HCN1: variants seen among roughly 807,000 people sequenced by gnomAD.
The protein encoded by HCN1 is potassium/sodium hyperpolarization-activated cyclic nucleotide-gated channel 1.
In HCN1, 13 loss-of-function variants were observed where a neutral mutation model predicts 78.9. That is an observed-to-expected ratio of 0.16 (90% CI 0.11 to 0.26). The LOEUF (loss-of-function observed/expected upper bound fraction) is 0.26. Ranked by LOEUF, HCN1 falls within the 10% of genes least tolerant of loss-of-function variation. HCN1 has a pLI of 1.00. For synonymous variants in HCN1, 552 were observed against 455.5 expected (o/e 1.21, Z -2.70); for missense variants, 810 against 1,154.3 (o/e 0.70, Z 4.32).
intron 4 of HCN1, among the ~76,000 whole-genome samples, chr5:45,384,861 G>A (rs1747882021): frequency 6.6e-6 from 1 of 152,110 alleles, no homozygotes; most frequent in Admixed American, 6.6e-5. Flanking sequence ...TATAAATGTG[G>A]AATCTAATTT....
Position 45,527,343 on chromosome 5 carries a change from C to T in HCN1, c.850-65336G>A, listed in dbSNP as rs1742756671. On this transcript the variant is annotated intron_variant, in intron 2 of 7. Transcript: ENST00000303230. The stretch of plus-strand genomic sequence containing the variant: ...TGGCCAGTAATGGTGGAGATAGGAT[C>T]TAAACAGAAGCTTATACCATGTTAT... Among the ~76,000 whole-genome samples, 2 of 88,136 alleles carry T rather than the reference C, an allele frequency of 2.3e-5. 1 individual carries two copies. 57.8% of individuals were successfully genotyped at this position (88,136 alleles called of 152,430 possible). A position where few individuals can be genotyped will look rare whatever the true frequency, so the allele number is the denominator to read the frequency against.
intron 2 of HCN1, among the ~76,000 whole-genome samples, chr5:45,502,875 T>C (rs933318940): frequency 6.6e-6 from 1 of 152,184 alleles, no homozygotes; most frequent in East Asian, 1.9e-4. Context: ...TGAGGAAAAC[T>C]TCGCATTTTT....
At chr5:45,438,602 AC>A (rs199596089) in intron 3 of HCN1, among the ~76,000 whole-genome samples, 1 of 151,704 alleles carries the variant, frequency 6.6e-6, no homozygotes, top group South Asian at 2.1e-4. Flanking sequence ...AAAAAAAAAA[AC>A]AAAACAAACA....
intron 6 of HCN1, among the ~76,000 whole-genome samples, chr5:45,277,096 T>A (rs577321827): frequency 3.3e-5 from 5 of 152,226 alleles, no homozygotes; most frequent in Admixed American, 3.3e-4. Flanking sequence ...AAAAACTTCG[T>A]GTGCAAAATA....
chr5:45,529,339 G>A (rs1009980707), intron 2 of HCN1, among the ~76,000 whole-genome samples: 12 of 151,454 alleles, frequency 7.9e-5, no homozygotes, highest in South Asian at 2.1e-4. Flanking sequence ...AAATAATGAC[G>A]GCAAATCAGA....
At chr5:45,615,908 C>A (rs1347567031) in intron 2 of HCN1, among the ~76,000 whole-genome samples, 1 of 151,558 alleles carries the variant, frequency 6.6e-6, no homozygotes, top group Non-Finnish European at 1.5e-5. Flanking sequence ...ACTCAAAACA[C>A]CAAAATTATT....
intron 2 of HCN1, among the ~76,000 whole-genome samples, chr5:45,483,157 T>A (rs917901443): frequency 3.9e-5 from 6 of 152,230 alleles, no homozygotes; most frequent in Admixed American, 2.0e-4. Flanking sequence ...ATGGTAGCTC[T>A]GTTTTAAGGT....
At chr5:45,461,225 A>G (rs1355433499) in intron 3 of HCN1, among the ~76,000 whole-genome samples, 1 of 152,058 alleles carries the variant, frequency 6.6e-6, no homozygotes, top group Non-Finnish European at 1.5e-5. Context: ...AGATCAAAAC[A>G]TATCTTCTTA....
intron 2 of HCN1, among the ~76,000 whole-genome samples, chr5:45,634,237 T>C (rs1745320407): frequency 6.6e-6 from 1 of 151,872 alleles, no homozygotes; most frequent in South Asian, 2.1e-4. Flanking sequence ...CATACACCTA[T>C]CCTTTCTGTA....
At chr5:45,409,858 TA>T (rs1739992747) in intron 3 of HCN1, among the ~76,000 whole-genome samples, 1 of 151,568 alleles carries the variant, frequency 6.6e-6, no homozygotes, top group Non-Finnish European at 1.5e-5. Context: ...AACAAATAAT[TA>T]AATATATTCA....
In HCN1 at chr5:45,604,205, A is replaced by G. The variant is rs1744681041; in HGVS notation, c.849+40980T>C. 2.0e-5 allele frequency among the ~76,000 whole-genome samples: 3 copies of G among 152,250 alleles called. No individual in the cohort carries two copies. The South Asian group carries it at 6.2e-4, about 32-fold the overall frequency. On this transcript the variant is annotated intron_variant, in intron 2 of 7. Transcript: ENST00000303230. ...CAGACCAAACACTTCCTTGATCTTT[A>G]CAACAACTCTGTGAGATAGATAAGA...
chr5:45,685,381 A>G (rs979275865), intron 1 of HCN1, among the ~76,000 whole-genome samples: 3 of 152,186 alleles, frequency 2.0e-5, no homozygotes, highest in Non-Finnish European at 4.4e-5. Context: ...TACCAACTAA[A>G]GAGATTAAAC....
Position 45,258,052 on chromosome 5 carries a change from A to C in HCN1, c.*3869T>G, listed in dbSNP as rs1744655481. ...TGGGTTTTATGGCACATGTTCTAAA[A>C]AGATAAAGATATAATGGAGAGATAT... is the stretch of plus-strand genomic sequence containing the variant. On this transcript the variant is annotated 3_prime_UTR_variant, in exon 8 of 8. Transcript: ENST00000303230. 6.6e-6 allele frequency: 1 copy of C among 152,174 alleles called. No homozygotes were observed. The highest frequency in any genetic ancestry group is 2.4e-5 in the African/African-American group (1 of 41,410). The allele number at this position is 152,174 out of a possible 1,614,324, so 9.4% of individuals were successfully genotyped here. A position where few individuals can be genotyped will look rare whatever the true frequency, so the allele number is the denominator to read the frequency against.
intron 3 of HCN1, among the ~76,000 whole-genome samples, chr5:45,451,719 T>C (rs1466137886): frequency 6.6e-6 from 1 of 151,874 alleles, no homozygotes. Flanking sequence ...ACAACATCAA[T>C]TAAAAAAATC....
At chr5:45,319,733 G>A (rs1297415096) in intron 5 of HCN1, among the ~76,000 whole-genome samples, 1 of 151,292 alleles carries the variant, frequency 6.6e-6, no homozygotes, top group African/African-American at 2.4e-5. Context: ...GAAAAAAAAT[G>A]AGTTTGATAT....
intron 2 of HCN1, among the ~76,000 whole-genome samples, chr5:45,519,926 CAT>C (rs1230687528): frequency 6.6e-6 from 1 of 151,790 alleles, no homozygotes; most frequent in East Asian, 1.9e-4. Flanking sequence ...TCTATAAAAA[CAT>C]GTGTTTACCC....
At chr5:45,267,557 C>T (rs1744884589) in intron 6 of HCN1, among the ~76,000 whole-genome samples, 1 of 151,584 alleles carries the variant, frequency 6.6e-6, no homozygotes, top group African/African-American at 2.4e-5. Context: ...ATCACGAGGT[C>T]AAGAGATCGA....
intron 2 of HCN1, among the ~76,000 whole-genome samples, chr5:45,605,617 G>C (rs1414374139): frequency 6.6e-6 from 1 of 151,866 alleles, no homozygotes. Flanking sequence ...TAAAGTTTTT[G>C]TACATTGTAC....
chr5:45,627,386 T>C (rs1745184392), intron 2 of HCN1, among the ~76,000 whole-genome samples: 1 of 152,154 alleles, frequency 6.6e-6, no homozygotes, highest in Non-Finnish European at 1.5e-5. Context: ...GTGAGAAAGA[T>C]GTATAGTGTT....
Sources: gnomAD v4.1 joint callset for allele counts (sites outside exome capture counted in the v4.1 genomes callset) on GRCh38, gnomAD v4.1.1 for gene constraint, MANE v1.5 for transcripts, NCBI Gene and HGNC (gene_info 2026-07-23, HGNC 2026-07-21) for gene names.